The following ZNF675 variants were observed in gnomAD, a reference collection of about 807,000 sequenced individuals.
ZNF675 encodes the protein TRAF6 inhibitory zinc finger.
In ZNF675, 36 loss-of-function variants were observed where a neutral mutation model predicts 56.1. The ratio of observed to expected loss-of-function variants is 0.64; its 90% confidence interval spans 0.49 to 0.85. The LOEUF is 0.85. ZNF675 is among the 40% of genes least tolerant of loss of function. ZNF675 has a pLI of 0.00. For synonymous variants in ZNF675, 200 were observed against 218.9 expected (o/e 0.91, Z 0.76); for missense variants, 663 against 654.2 (o/e 1.01, Z -0.15).
intron 1 of ZNF675, among the ~76,000 whole-genome samples, chr19:23,666,233 A>T (rs1411208504): frequency 6.6e-6 from 1 of 152,250 alleles, no homozygotes; most frequent in East Asian, 1.9e-4. Context: ...GTCCACAACC[A>T]TTCAGACTGA....
At chr19:23,657,653 G>T (rs998647184) in intron 3 of ZNF675, among the ~76,000 whole-genome samples, 1 of 152,158 alleles carries the variant, frequency 6.6e-6, no homozygotes, top group Non-Finnish European at 1.5e-5. Flanking sequence ...GGAGGCAGAG[G>T]TTGCAGTGGG....
At chr19:23,678,098 GCAA>G (rs1968323917) in intron 1 of ZNF675, among the ~76,000 whole-genome samples, 1 of 151,642 alleles carries the variant, frequency 6.6e-6, no homozygotes, top group Non-Finnish European at 1.5e-5. Context: ...TCCAGCCTGG[GCAA>G]CAAGAGTAAA....
At chr19:23,670,486 C>CCTT (rs10640949) in intron 1 of ZNF675, among the ~76,000 whole-genome samples, 147,694 of 152,034 alleles carry the variant, frequency 0.97, 71,902 homozygotes, top group Middle Eastern at 1. Flanking sequence ...TTATAGATAA[C>CCTT]CTTTTACAGG....
intron 1 of ZNF675, 104 bp downstream of exon 1, chr19:23,686,927 T>C (rs913291808): frequency 7.2e-6 from 10 of 1,396,754 alleles, no homozygotes; most frequent in African/African-American, 2.8e-5. Context: ...GGGGTGCAGA[T>C]TGTGGAGCTG....
In ZNF675 at chr19:23,661,431, C is replaced by T. The variant is rs567803426; in HGVS notation, c.226+683G>A. 2.6e-5 allele frequency among the ~76,000 whole-genome samples: 4 copies of T among 151,668 alleles called. No individual in the cohort carries two copies. The South Asian group carries it at 8.3e-4, about 32-fold the overall frequency. ...AAGGGCGGGGAATAGTGGCTCACAC[C>T]TGTAATCCCAGCACTTTGAGAAGCC... On this transcript the variant is annotated intron_variant, in intron 3 of 3. Coordinates refer to ENST00000359788, the MANE Select transcript of ZNF675 (RefSeq NM_138330.3).
rs190317636 is a variant in ZNF675 at position 23,684,434 on chromosome 19, C to T, written c.3+2597G>A. ...CCAAGAGGGGCGGATCACCTGAGGT[C>T]GGGAGTTTGAGACAAGCCTGGCCAA... On this transcript the variant is annotated intron_variant, in intron 1 of 3. Coordinates refer to ENST00000359788, the MANE Select transcript of ZNF675 (RefSeq NM_138330.3). Among the ~76,000 whole-genome samples, 5 of 151,962 alleles carry T rather than the reference C, an allele frequency of 3.3e-5. No homozygotes were observed. In the East Asian group the frequency reaches 5.9e-4, roughly 18 times the overall value.
In ZNF675 at chr19:23,687,012, T is replaced by C. The variant is rs779307978; in HGVS notation, c.3+19A>G. On this transcript the variant is annotated intron_variant, in intron 1 of 3. Coordinates refer to ENST00000359788, the MANE Select transcript of ZNF675 (RefSeq NM_138330.3). ...CCAGCCCCTTCCCCCTCTCGGGATGTCGCACCCGTAACTCTCACCATTTCT... is the reference window on the plus strand; with the variant it reads ...CCAGCCCCTTCCCCCTCTCGGGATGCCGCACCCGTAACTCTCACCATTTCT... The C allele has an allele frequency of 7.6e-5, 122 of 1,613,604 alleles. No homozygotes were observed. The highest frequency in any genetic ancestry group is 9.7e-5 in the Non-Finnish European group (115 of 1,179,778).
chr19:23,675,772 C>T lies in ZNF675; in HGVS notation c.3+11259G>A, dbSNP rs997883651. 5.9e-5 allele frequency among the ~76,000 whole-genome samples: 9 copies of T among 151,504 alleles called. 1 individual carries two copies. The highest frequency in any genetic ancestry group is 1.0e-4 in the Non-Finnish European group (7 of 68,008). On this transcript the variant is annotated intron_variant, in intron 1 of 3. Transcript: ENST00000359788. ...GAAATATCTCAATTTAATAACCTGA[C>T]ATCCTAAATAAAAGAATGAGAGAAG...
chr19:23,678,785 C>A (rs1038800105), intron 1 of ZNF675, among the ~76,000 whole-genome samples: 1 of 151,562 alleles, frequency 6.6e-6, no homozygotes, highest in African/African-American at 2.4e-5. Flanking sequence ...CACTTAAAAC[C>A]ATCTGATCTT....
intron 1 of ZNF675, among the ~76,000 whole-genome samples, chr19:23,686,563 T>C (rs547752512): frequency 1.3e-5 from 2 of 152,164 alleles, no homozygotes; most frequent in East Asian, 1.9e-4. Flanking sequence ...TGACCTCAGG[T>C]GATCCACCCA....
intron 3 of ZNF675, 129 bp downstream of exon 3, chr19:23,661,985 T>C: frequency 1.4e-6 from 1 of 700,148 alleles, no homozygotes; most frequent in Non-Finnish European, 2.6e-6. Flanking sequence ...CATAAAATAC[T>C]CAGGCTTTCC....
chr19:23,662,699 G>C (rs1387028676), intron 2 of ZNF675, among the ~76,000 whole-genome samples: 1 of 152,194 alleles, frequency 6.6e-6, no homozygotes, highest in African/African-American at 2.4e-5. Context: ...TGTCTGTTGG[G>C]ACAGGCATGG....
chr19:23,660,954 G>A (rs1301831069), intron 3 of ZNF675, among the ~76,000 whole-genome samples: 4 of 148,908 alleles, frequency 2.7e-5, no homozygotes, highest in Admixed American at 6.7e-5. Context: ...TTTTTGAGAC[G>A]GAGTCCCACT....
chr19:23,652,999 A>T lies in ZNF675; in HGVS notation c.*227T>A. 2.4e-6 allele frequency: 1 copy of T among 413,692 alleles called. No individual in the cohort carries two copies. 25.6% of individuals were successfully genotyped at this position (413,692 alleles called of 1,614,324 possible). Reference sequence around the variant, plus strand: ...ATTTTACACTCTTTATATTTGTACAATTTTTCTTAAGTATAAACGCTTTCC... The same window carrying T: ...ATTTTACACTCTTTATATTTGTACATTTTTTCTTAAGTATAAACGCTTTCC... On this transcript the variant is annotated 3_prime_UTR_variant, in exon 4 of 4. Transcript: ENST00000359788.
At chr19:23,671,412 A>G (rs1225837004) in intron 1 of ZNF675, among the ~76,000 whole-genome samples, 2 of 152,230 alleles carry the variant, frequency 1.3e-5, no homozygotes, top group Non-Finnish European at 2.9e-5. Flanking sequence ...CATCTAAGGA[A>G]AATCTGAAGG....
chr19:23,656,615 T>TACACACACACAC (rs1555706063), intron 3 of ZNF675: 3 of 137,512 alleles, frequency 2.2e-5, no homozygotes, highest in African/African-American at 8.2e-5. Context: ...AAAAAAGGTA[T>TACACACACACAC]ACACACACAC....
chr19:23,653,923 T>C lies in ZNF675; in HGVS notation c.1010A>G (p.Glu337Gly), dbSNP rs113689691. The part of the protein sequence containing the change: ...LTTHKRIHTG[E>G]KPYKCEECGK... ...ACATTCTTCACATTTGTAGGGTTTT[T>C]CTCCAGTATGAATTCTCTTATGTGT... Residue 337 changes from glutamate (E) to glycine (G), a missense_variant, in exon 4 of 4, where the codon GAA becomes GGA. Physicochemically the swap from Glu to Gly is moderately conservative, Grantham distance 98 (BLOSUM62 -2). Around this residue, in one of 3 missense-constraint regions of ZNF675, gnomAD observed 617 missense variants for 590.5 expected, o/e 1.04. Transcript: ENST00000359788. 5,487 of 1,613,880 alleles carry C rather than the reference T, an allele frequency of 3.4e-3. 11 individuals are homozygous for C. Among genetic ancestry groups the C allele is most frequent in the Admixed American group, 4.2e-3 (254 of 60,004 alleles).
chr19:23,673,215 G>A (rs1168976177), intron 1 of ZNF675, among the ~76,000 whole-genome samples: 1 of 152,168 alleles, frequency 6.6e-6, no homozygotes, highest in African/African-American at 2.4e-5. Flanking sequence ...GTTCTGGATG[G>A]ATAAGAGTAT....
At chr19:23,675,562 C>T (rs1968284638) in intron 1 of ZNF675, among the ~76,000 whole-genome samples, 1 of 150,572 alleles carries the variant, frequency 6.6e-6, no homozygotes, top group African/African-American at 2.5e-5. Context: ...CCACTTGAAA[C>T]CAGACAACTA....
Sources: gnomAD v4.1 joint callset for allele counts (sites outside exome capture counted in the v4.1 genomes callset) on GRCh38, gnomAD v4.1.1 for gene constraint, gnomAD v4.1.1 regional missense constraint, MANE v1.5 for transcripts, NCBI Gene and HGNC (gene_info 2026-07-23, HGNC 2026-07-21) for gene names.